PARD6G: variants seen among roughly 807,000 people sequenced by gnomAD.
PARD6G encodes par-6 family cell polarity regulator gamma, also known as partitioning defective 6 homolog gamma.
A neutral mutation model predicts 10.7 loss-of-function variants in PARD6G; 7 were observed. That is an observed-to-expected ratio of 0.66 (90% CI 0.37 to 1.23). The LOEUF is 1.23. Among genes scored for constraint, PARD6G ranks in the 50% most tolerant of loss-of-function variants. The probability of loss-of-function intolerance (pLI) is 0.02; values close to 1 mark genes in which losing one functional copy is unlikely to be tolerated. For synonymous variants in PARD6G, 287 were observed against 269.4 expected (o/e 1.07, Z -0.64); for missense variants, 548 against 571.8 (o/e 0.96, Z 0.42).
At chr18:80,198,513 T>C (rs1354887243) in intron 2 of PARD6G, among the ~76,000 whole-genome samples, 1 of 152,180 alleles carries the variant, frequency 6.6e-6, no homozygotes, top group Admixed American at 6.5e-5. Context: ...TATCTCATTT[T>C]TATTGGTAAC....
chr18:80,204,415 C>T (rs976997608), intron 1 of PARD6G, among the ~76,000 whole-genome samples: 1 of 152,104 alleles, frequency 6.6e-6, no homozygotes, highest in African/African-American at 2.4e-5. Flanking sequence ...TGCTATTGAT[C>T]TGGGGACCAC....
At chr18:80,206,891 T>G (rs1411311304) in intron 1 of PARD6G, among the ~76,000 whole-genome samples, 1 of 152,154 alleles carries the variant, frequency 6.6e-6, no homozygotes, top group Admixed American at 6.5e-5. Flanking sequence ...CAATAAATAC[T>G]TAACGTAAAT....
At chr18:80,245,888 C>A (rs886967298) in intron 1 of PARD6G, among the ~76,000 whole-genome samples, 2 of 152,006 alleles carry the variant, frequency 1.3e-5, no homozygotes, top group Non-Finnish European at 2.9e-5. Context: ...AGGACAGGAT[C>A]TTATGATAAA....
At chr18:80,172,076 G>A (rs1568427799) in intron 2 of PARD6G, among the ~76,000 whole-genome samples, 1 of 152,192 alleles carries the variant, frequency 6.6e-6, no homozygotes. Context: ...TGGAATTACT[G>A]CTCATATGTC....
At chr18:80,205,754 CTT>C (rs1022397738) in intron 1 of PARD6G, among the ~76,000 whole-genome samples, 1 of 152,200 alleles carries the variant, frequency 6.6e-6, no homozygotes, top group Non-Finnish European at 1.5e-5. Context: ...AATTAAGTCT[CTT>C]TTCTTTATAA....
intron 1 of PARD6G, among the ~76,000 whole-genome samples, chr18:80,205,193 C>T (rs143718622): frequency 7.9e-4 from 121 of 152,220 alleles, no homozygotes; most frequent in African/African-American, 2.7e-3. Flanking sequence ...AATCTCTCCC[C>T]GTTATTCAAG....
In PARD6G at chr18:80,183,115, T is replaced by C; in HGVS notation, c.295+19595A>G. On this transcript the variant is annotated intron_variant, in intron 2 of 2. Transcript: ENST00000353265. The surrounding 1 kb of genome is among the most constrained non-coding windows in gnomAD (Gnocchi z 4.5). ...CCCCCTTTCAAACCAAGATTTGAGCTGAAGAGTCAGGTTCCTGGTCGCAGG... is the reference window on the plus strand; with the variant it reads ...CCCCCTTTCAAACCAAGATTTGAGCCGAAGAGTCAGGTTCCTGGTCGCAGG... 1 of 702,914 alleles carries C rather than the reference T, an allele frequency of 1.4e-6. No individual in the cohort carries two copies. The highest frequency in any genetic ancestry group is 1.7e-5 in the African/African-American group (1 of 57,356). 43.5% of individuals were successfully genotyped at this position (702,914 alleles called of 1,614,324 possible).
intron 2 of PARD6G, among the ~76,000 whole-genome samples, chr18:80,177,662 G>GCACA (rs1426542659): frequency 7.9e-6 from 1 of 126,436 alleles, no homozygotes; most frequent in Non-Finnish European, 1.7e-5. Flanking sequence ...ATGCATGCAT[G>GCACA]CACACACACA....
rs192034646 is a variant in PARD6G at position 80,245,828 on chromosome 18, C to T, written c.72+1449G>A. Reference sequence around the variant, plus strand: ...TGATTTGGGGGAGCTGGGGGCACTTCTGTGCTCCAGAGAAGATGGGTGTGG... The same window carrying T: ...TGATTTGGGGGAGCTGGGGGCACTTTTGTGCTCCAGAGAAGATGGGTGTGG... On this transcript the variant is annotated intron_variant, in intron 1 of 2. Transcript: ENST00000353265. 3.5e-3 allele frequency among the ~76,000 whole-genome samples: 540 copies of T among 152,140 alleles called. 3 individuals are homozygous for T. Among genetic ancestry groups the T allele is most frequent in the Non-Finnish European group, 5.7e-3 (389 of 67,992 alleles).
intron 1 of PARD6G, among the ~76,000 whole-genome samples, chr18:80,225,664 G>GT (rs994047380): frequency 1.1e-4 from 17 of 152,322 alleles, no homozygotes; most frequent in African/African-American, 3.6e-4. Flanking sequence ...TACTCTTGCT[G>GT]TTTTTTAAAA....
At chr18:80,234,116 T>C (rs1469356673) in intron 1 of PARD6G, among the ~76,000 whole-genome samples, 1 of 152,156 alleles carries the variant, frequency 6.6e-6, no homozygotes, top group Non-Finnish European at 1.5e-5. Context: ...TCATTCCACA[T>C]GTCAAGTTCA....
At chr18:80,196,119 G>A (rs1439101011) in intron 2 of PARD6G, among the ~76,000 whole-genome samples, 4 of 151,990 alleles carry the variant, frequency 2.6e-5, no homozygotes, top group Non-Finnish European at 5.9e-5. Context: ...AATTAATAAG[G>A]ACTTGGTTAT....
intron 1 of PARD6G, among the ~76,000 whole-genome samples, chr18:80,204,402 T>C (rs1967036845): frequency 6.6e-6 from 1 of 152,102 alleles, no homozygotes; most frequent in Non-Finnish European, 1.5e-5. Flanking sequence ...CTGAAAGAGC[T>C]GATGCTATTG....
At chr18:80,202,527 A>G (rs1967017147) in intron 2 of PARD6G, 183 bp downstream of exon 2, 1 of 560,190 alleles carries the variant, frequency 1.8e-6, no homozygotes, top group Non-Finnish European at 3.2e-6. Flanking sequence ...TATCATTTAA[A>G]GTAGAAAACA....
chr18:80,212,927 G>A (rs755655141), intron 1 of PARD6G, among the ~76,000 whole-genome samples: 6 of 152,084 alleles, frequency 3.9e-5, no homozygotes, highest in Non-Finnish European at 7.4e-5. Flanking sequence ...TTTCTTAAAT[G>A]TATAGCTCAC....
At chr18:80,225,309 C>T (rs1967278817) in intron 1 of PARD6G, among the ~76,000 whole-genome samples, 1 of 152,208 alleles carries the variant, frequency 6.6e-6, no homozygotes, top group Non-Finnish European at 1.5e-5. Flanking sequence ...GACCCACGTG[C>T]TGTTCTTCAA....
intron 1 of PARD6G, among the ~76,000 whole-genome samples, chr18:80,205,835 G>A (rs927798861): frequency 8.5e-5 from 13 of 152,128 alleles, no homozygotes. Context: ...AACTTCCAAA[G>A]CAATTTCCTT....
rs993585925 is a variant in PARD6G at position 80,181,069 on chromosome 18, G to A, written c.296-20463C>T. 1.3e-5 allele frequency among the ~76,000 whole-genome samples: 2 copies of A among 152,188 alleles called. No homozygotes were observed. The highest frequency in any genetic ancestry group is 4.8e-5 in the African/African-American group (2 of 41,444). ...GGCTGTTCAAAGGTCTGAACCTCAC[G>A]CGCGATCTCGACATTAGAACATGGG... is the stretch of plus-strand genomic sequence containing the variant. On this transcript the variant is annotated intron_variant, in intron 2 of 2. Transcript: ENST00000353265. The surrounding 1 kb of genome is among the most constrained non-coding windows in gnomAD (Gnocchi z 7.9).
chr18:80,223,179 G>T (rs1967251202), intron 1 of PARD6G, among the ~76,000 whole-genome samples: 2 of 151,910 alleles, frequency 1.3e-5, no homozygotes, highest in African/African-American at 4.8e-5. Context: ...CAAATACATA[G>T]AATTAAATTA....
Sources: allele counts gnomAD v4.1 joint callset (sites outside exome capture counted in the v4.1 genomes callset), GRCh38; gene constraint gnomAD v4.1.1; non-coding constraint Gnocchi (gnomAD v3.1); transcripts MANE v1.5; gene names NCBI Gene and HGNC (gene_info 2026-07-23, HGNC 2026-07-21).